Variants in PSD3 observed in about 807,000 individuals in gnomAD.
The protein encoded by PSD3 is pleckstrin and Sec7 domain containing 3.
A neutral mutation model predicts 105.5 loss-of-function variants in PSD3; 49 were observed. The observed-to-expected ratio is 0.46, with a 90% CI of 0.37 to 0.59. The LOEUF is 0.59. Ranked by LOEUF, PSD3 falls within the 20% of genes least tolerant of loss-of-function variation. The pLI is 0.00. For missense variants in PSD3, 1,561 were observed against 1,263.8 expected (o/e 1.24, Z -3.57); for synonymous variants, 557 against 457.8 (o/e 1.22, Z -2.77).
intron 1 of PSD3, among the ~76,000 whole-genome samples, chr8:18,949,810 A>G (rs958297754): frequency 3.7e-4 from 56 of 152,254 alleles, no homozygotes; most frequent in African/African-American, 1.3e-3. Flanking sequence ...ATATAAATTT[A>G]GCAAAAAATT....
At chr8:18,600,059 G>C (rs1246956571) in intron 12 of PSD3, among the ~76,000 whole-genome samples, 1 of 152,172 alleles carries the variant, frequency 6.6e-6, no homozygotes, top group African/African-American at 2.4e-5. Flanking sequence ...TCATCACAGA[G>C]ATGTCTATTA....
intron 1 of PSD3, among the ~76,000 whole-genome samples, chr8:19,071,076 G>C (rs1464531281): frequency 1.3e-5 from 2 of 151,618 alleles, no homozygotes; most frequent in Non-Finnish European, 2.9e-5. Context: ...AAGGGGGTAG[G>C]GGGGTTGGAG....
At chr8:18,547,356 G>A (rs778786976) in intron 15 of PSD3, among the ~76,000 whole-genome samples, 1 of 152,166 alleles carries the variant, frequency 6.6e-6, no homozygotes, top group Non-Finnish European at 1.5e-5. Context: ...CTAGGCTCAG[G>A]GCTTGCTGCG....
intron 4 of PSD3, among the ~76,000 whole-genome samples, chr8:18,826,859 A>C (rs1327035055): frequency 6.6e-6 from 1 of 152,208 alleles, no homozygotes; most frequent in Non-Finnish European, 1.5e-5. Flanking sequence ...CCTGGGCCTT[A>C]AGTGCTATAA....
chr8:18,574,315 T>A (rs931315264), intron 13 of PSD3, among the ~76,000 whole-genome samples: 2 of 152,214 alleles, frequency 1.3e-5, no homozygotes. Flanking sequence ...GTTTTTTGCA[T>A]CAATTCTGTC....
chr8:18,823,780 T>TCACA (rs3042864), intron 4 of PSD3, among the ~76,000 whole-genome samples: 130 of 66,108 alleles, frequency 2.0e-3, no homozygotes, highest in Non-Finnish European at 2.4e-3. Context: ...TTAAACACAC[T>TCACA]CACACACACA....
At chr8:18,740,470 G>A (rs995461720) in intron 9 of PSD3, among the ~76,000 whole-genome samples, 13 of 152,076 alleles carry the variant, frequency 8.5e-5, no homozygotes, top group Non-Finnish European at 1.8e-4. Context: ...CTTCAGTCCT[G>A]TTCTCTAAGG....
At chr8:18,951,739 C>A (rs1823248779) in intron 1 of PSD3, among the ~76,000 whole-genome samples, 1 of 152,154 alleles carries the variant, frequency 6.6e-6, no homozygotes, top group African/African-American at 2.4e-5. Context: ...AATCCCAGCA[C>A]TTTGGGAGGC....
At chr8:18,693,769 G>A (rs1403524953) in intron 9 of PSD3, among the ~76,000 whole-genome samples, 1 of 152,294 alleles carries the variant, frequency 6.6e-6, no homozygotes, top group Non-Finnish European at 1.5e-5. Flanking sequence ...TTTCTAATAT[G>A]ATCCTCAAAA....
At chr8:18,884,964 CAGAGCACTG>C (rs1410399732) in intron 2 of PSD3, among the ~76,000 whole-genome samples, 1 of 152,170 alleles carries the variant, frequency 6.6e-6, no homozygotes, top group East Asian at 1.9e-4. Context: ...TGCAACTGTG[CAGAGCACTG>C]TTACCTGTTA....
intron 11 of PSD3, among the ~76,000 whole-genome samples, chr8:18,608,702 G>A (rs1401107359): frequency 6.6e-6 from 1 of 152,086 alleles, no homozygotes; most frequent in Non-Finnish European, 1.5e-5. Flanking sequence ...TCATAAAGAG[G>A]AAGATATAAA....
At chr8:18,536,018 G>A in intron 15 of PSD3, 60 bp from the exon 16 acceptor site, 1 of 1,488,714 alleles carries the variant, frequency 6.7e-7, no homozygotes, top group South Asian at 1.1e-5. Context: ...CACGTGTGCA[G>A]CACACTTGTG....
rs191240180 is a variant in PSD3 at position 19,048,284 on chromosome 8, G to A, written c.324+35922C>T. On this transcript the variant is annotated intron_variant, in intron 1 of 1. Transcript: ENST00000521475. ...TCCCACAGGCTGCAGAGTCCTGGCCGACATATCAACTCGGTGGTTAAGAGC... is the reference window on the plus strand; with the variant it reads ...TCCCACAGGCTGCAGAGTCCTGGCCAACATATCAACTCGGTGGTTAAGAGC... Among the ~76,000 whole-genome samples the A allele has an allele frequency of 6.2e-4, 94 of 152,218 alleles. 1 individual carries two copies. Among genetic ancestry groups the A allele is most frequent in the South Asian group, 1.9e-3 (9 of 4,820 alleles).
intron 1 of PSD3, among the ~76,000 whole-genome samples, chr8:18,947,960 C>T (rs1822971743): frequency 2.0e-5 from 3 of 152,190 alleles, no homozygotes; most frequent in African/African-American, 4.8e-5. Flanking sequence ...TTCACTAACA[C>T]AGCAGTAACT....
chr8:18,999,917 C>A (rs1826284480), intron 1 of PSD3: 1 of 151,184 alleles, frequency 6.6e-6, no homozygotes, highest in Non-Finnish European at 1.5e-5. Context: ...GGCTTTAATT[C>A]CTCTAGGCCT....
intron 11 of PSD3, among the ~76,000 whole-genome samples, chr8:18,618,545 CCA>C (rs1190531398): frequency 1.8e-4 from 28 of 151,390 alleles, no homozygotes; most frequent in South Asian, 4.3e-4. Flanking sequence ...ATTTTATTGG[CCA>C]TTAAACTGTT....
rs145287569 is a variant in PSD3, at chr8:18,832,262, G to A, written c.1635-27364C>T. 2.3e-3 allele frequency among the ~76,000 whole-genome samples: 356 copies of A among 152,138 alleles called. 1 individual carries two copies. Among genetic ancestry groups the A allele is most frequent in the African/African-American group, 7.8e-3 (322 of 41,510 alleles). ...TAAAGGATAAAAGTATAAAGTATAG[G>A]GTTATATCTTGCTTCACGTCCAAGG... On this transcript the variant is annotated intron_variant, in intron 4 of 15. Coordinates refer to ENST00000327040, the MANE Select transcript of PSD3 (RefSeq NM_015310.4).
chr8:18,626,734 A>C (rs935642400), intron 11 of PSD3, among the ~76,000 whole-genome samples: 7 of 152,140 alleles, frequency 4.6e-5, no homozygotes, highest in Admixed American at 3.9e-4. Context: ...TAGATTTCCA[A>C]GAAGGAGCAG....
At chr8:18,811,050 T>A (rs1586089058) in intron 4 of PSD3, among the ~76,000 whole-genome samples, 2 of 152,252 alleles carry the variant, frequency 1.3e-5, no homozygotes, top group South Asian at 4.1e-4. Context: ...ATCATCTAAT[T>A]CCCAAAGAAA....
Sources: gnomAD v4.1 joint callset for allele counts (sites outside exome capture counted in the v4.1 genomes callset) on GRCh38, gnomAD v4.1.1 for gene constraint, MANE v1.5 for transcripts, NCBI Gene and HGNC (gene_info 2026-07-23, HGNC 2026-07-21) for gene names.